The following ANAPC5 variants were observed in gnomAD, a reference collection of about 807,000 sequenced individuals.
The protein encoded by ANAPC5 is anaphase promoting complex subunit 5, also known as anaphase-promoting complex subunit 5.
In ANAPC5, 60 loss-of-function variants were observed where a neutral mutation model predicts 91.3. That is an observed-to-expected ratio of 0.66 (90% confidence interval 0.53 to 0.81). ANAPC5 has a LOEUF of 0.81. ANAPC5 is among the 40% of genes least tolerant of loss of function. The probability of loss-of-function intolerance (pLI) is 0.00; values close to 1 mark genes in which losing one functional copy is unlikely to be tolerated. For synonymous variants in ANAPC5, 340 were observed against 364.1 expected, an observed-to-expected ratio of 0.93 and a Z score of 0.75; for missense variants, 690 against 931.5, an observed-to-expected ratio of 0.74 and a Z score of 3.37.
chr12:121,349,558 C>T (rs1555275068), intron 1 of ANAPC5, among the ~76,000 whole-genome samples: 2 of 150,298 alleles, frequency 1.3e-5, no homozygotes, highest in African/African-American at 4.9e-5. Context: ...AGTGAGATCC[C>T]ACCACTCTAA....
At chr12:121,325,557 C>A (rs1163776139) in intron 11 of ANAPC5, among the ~76,000 whole-genome samples, 1 of 151,328 alleles carries the variant, frequency 6.6e-6, no homozygotes, top group South Asian at 2.1e-4. Context: ...AAGTAGTTTT[C>A]TATTCTAATA....
rs767344712 is a variant in ANAPC5, at chr12:121,308,731, C to A, written c.2057-40G>T. Reference sequence around the variant, plus strand: ...AAAATAACACACACATTTAACTCAACCCTTCACGTATAGTTTTCAAAACGT... The same window carrying A: ...AAAATAACACACACATTTAACTCAAACCTTCACGTATAGTTTTCAAAACGT... On this transcript the variant is annotated intron_variant, in intron 16 of 16. Coordinates refer to ENST00000261819, the MANE Select transcript of ANAPC5 (RefSeq NM_016237.5). The A allele has an allele frequency of 6.7e-6, 10 of 1,501,206 alleles. 1 individual carries two copies. In the African/African-American group the frequency reaches 6.9e-5, roughly 10 times the overall value. 93.0% of individuals were successfully genotyped at this position (1,501,206 alleles called of 1,614,324 possible).
At chr12:121,310,588 TAACACAC>T (rs1292390687) in intron 15 of ANAPC5, among the ~76,000 whole-genome samples, 3 of 151,380 alleles carry the variant, frequency 2.0e-5, no homozygotes, top group Admixed American at 2.0e-4. Flanking sequence ...AACATCTACT[TAACACAC>T]AAGAAAGCAG....
At chr12:121,336,069 C>A (rs1391629264) in intron 6 of ANAPC5, among the ~76,000 whole-genome samples, 1 of 152,132 alleles carries the variant, frequency 6.6e-6, no homozygotes, top group Non-Finnish European at 1.5e-5. Context: ...AATTAAAGAT[C>A]CTAAAACCTG....
chr12:121,320,494 C>G (rs777357193), intron 11 of ANAPC5, 35 bp from the exon 12 acceptor site: 18 of 1,592,644 alleles, frequency 1.1e-5, no homozygotes, highest in Middle Eastern at 3.3e-4. Context: ...TCAGCATAAC[C>G]TGTGTTGAAT....
At chr12:121,330,290 C>A (rs1902994651) in intron 9 of ANAPC5, among the ~76,000 whole-genome samples, 1 of 152,200 alleles carries the variant, frequency 6.6e-6, no homozygotes, top group Admixed American at 6.5e-5. Context: ...TAAAATTTTT[C>A]TAAGTGACTA....
intron 15 of ANAPC5, 124 bp from the exon 16 acceptor site, chr12:121,309,987 C>T (rs1207850912): frequency 2.2e-6 from 2 of 908,554 alleles, no homozygotes; most frequent in African/African-American, 3.4e-5. Flanking sequence ...CTGACATGTA[C>T]TACGTTAAAA....
At chr12:121,316,116 TA>T (rs1238144436) in intron 15 of ANAPC5, among the ~76,000 whole-genome samples, 1 of 152,030 alleles carries the variant, frequency 6.6e-6, no homozygotes, top group Non-Finnish European at 1.5e-5. Flanking sequence ...ACAACTTAGT[TA>T]AAAAACAGGT....
chr12:121,349,347 G>A (rs1472356905), intron 1 of ANAPC5, among the ~76,000 whole-genome samples: 2 of 152,020 alleles, frequency 1.3e-5, no homozygotes, highest in East Asian at 3.8e-4. Context: ...GATCCCTTGA[G>A]CCCAGGAGTT....
At chr12:121,310,083 A>G (rs1902098490) in intron 15 of ANAPC5, 2 of 369,178 alleles carry the variant, frequency 5.4e-6, no homozygotes, top group Non-Finnish European at 9.6e-6. Context: ...TATTCACACT[A>G]TGAAAAGGTT....
chr12:121,318,880 C>T (rs1902479142), intron 13 of ANAPC5, among the ~76,000 whole-genome samples: 2 of 151,982 alleles, frequency 1.3e-5, no homozygotes, highest in South Asian at 4.1e-4. Flanking sequence ...ATTAGCTGGG[C>T]GTAGTGGTGG....
At chr12:121,319,619 T>G in intron 13 of ANAPC5, 78 bp downstream of exon 13, 1 of 1,412,906 alleles carries the variant, frequency 7.1e-7, no homozygotes, top group South Asian at 1.3e-5. Flanking sequence ...CTAAAATAAA[T>G]TAATGCACAT....
At chr12:121,347,434 A>G (rs1903712121) in intron 2 of ANAPC5, 1 of 256,884 alleles carries the variant, frequency 3.9e-6, no homozygotes, top group Admixed American at 5.1e-5. Flanking sequence ...GTTCAAGACC[A>G]GCCTAGGCAA....
intron 3 of ANAPC5, 58 bp downstream of exon 3, chr12:121,346,838 T>C (rs1903684671): frequency 9.4e-7 from 1 of 1,059,470 alleles, no homozygotes; most frequent in Non-Finnish European, 1.4e-6. Context: ...AGACATGACT[T>C]AGAAAGCTGC....
At chr12:121,316,610 G>A (rs1443763620) in intron 15 of ANAPC5, among the ~76,000 whole-genome samples, 5 of 151,682 alleles carry the variant, frequency 3.3e-5, no homozygotes, top group Non-Finnish European at 7.4e-5. Context: ...GCGGGCGCCT[G>A]TAGTCCCACC....
intron 6 of ANAPC5, among the ~76,000 whole-genome samples, chr12:121,336,554 C>T (rs1903245895): frequency 6.6e-6 from 1 of 152,092 alleles, no homozygotes; most frequent in South Asian, 2.1e-4. Context: ...TGGCGTGTGC[C>T]TGTACTCCCA....
rs1902037414 is a variant in ANAPC5 at position 121,308,651 on chromosome 12, G to A, written c.2097C>T (p.Asn699=). 1.9e-6 allele frequency: 3 copies of A among 1,614,170 alleles called. No individual in the cohort carries two copies. Among genetic ancestry groups the A allele is most frequent in the Non-Finnish European group, 2.5e-6 (3 of 1,180,036 alleles). Residue 699 remains asparagine (N), a synonymous_variant, in exon 17 of 17, where the codon AAC becomes AAT. Transcript: ENST00000261819. Reference sequence around the variant, plus strand: ...CTTTGCAGTCAACCTTTGCAAAATAGTTCTTGGCTTCATTGAGGTTCTCGA... The same window carrying A: ...CTTTGCAGTCAACCTTTGCAAAATAATTCTTGGCTTCATTGAGGTTCTCGA... The part of the protein sequence containing the change: ...AAIENLNEAK[N]YFAKVDCKER...
intron 6 of ANAPC5, among the ~76,000 whole-genome samples, chr12:121,336,571 C>T (rs916287968): frequency 6.6e-6 from 1 of 152,012 alleles, no homozygotes; most frequent in Admixed American, 6.6e-5. Context: ...CCCAGCTACT[C>T]GAGAGGCTGA....
chr12:121,321,902 T>C (rs1200783953), intron 11 of ANAPC5, among the ~76,000 whole-genome samples: 1 of 150,890 alleles, frequency 6.6e-6, no homozygotes, highest in East Asian at 2.0e-4. Flanking sequence ...AGTCTCACTC[T>C]GTCACCAGGC....
Sources: gnomAD v4.1 joint callset for allele counts (sites outside exome capture counted in the v4.1 genomes callset) on GRCh38, gnomAD v4.1.1 for gene constraint, MANE v1.5 for transcripts, NCBI Gene and HGNC (gene_info 2026-07-23, HGNC 2026-07-21) for gene names.